PTPRC: variants seen among roughly 807,000 people sequenced by gnomAD.
PTPRC encodes the protein receptor-type tyrosine-protein phosphatase C.
A neutral mutation model predicts 155.9 loss-of-function variants in PTPRC; 44 were observed. The ratio of observed to expected loss-of-function variants is 0.28; its 90% CI spans 0.22 to 0.36. The LOEUF (loss-of-function observed/expected upper bound fraction) is 0.36, where lower values mean the gene tolerates loss of function less well. PTPRC is among the 10% of genes least tolerant of loss of function. PTPRC has a pLI of 1.00. For synonymous variants in PTPRC, 525 were observed against 533.1 expected (o/e 0.98, Z 0.21); for missense variants, 1,401 against 1,564.6 (o/e 0.90, Z 1.76).
intron 2 of PTPRC, among the ~76,000 whole-genome samples, chr1:198,659,972 C>T (rs1219858154): frequency 8.0e-6 from 1 of 124,798 alleles, no homozygotes; most frequent in Non-Finnish European, 1.7e-5. Context: ...ACATATATAT[C>T]TATATAAATA....
chr1:198,738,881 C>G (rs1459207741), intron 23 of PTPRC, among the ~76,000 whole-genome samples: 4 of 151,610 alleles, frequency 2.6e-5, no homozygotes, highest in Non-Finnish European at 5.9e-5. Flanking sequence ...AACAACTTTT[C>G]AAGACATGGA....
chr1:198,683,740 A>C (rs545778112), intron 2 of PTPRC, among the ~76,000 whole-genome samples: 1 of 152,200 alleles, frequency 6.6e-6, no homozygotes, highest in South Asian at 2.1e-4. Flanking sequence ...GGATTAATAC[A>C]AATAAAGGAT....
At chr1:198,750,718 T>C in intron 29 of PTPRC, 92 bp downstream of exon 29, 2 of 1,466,370 alleles carry the variant, frequency 1.4e-6, no homozygotes, top group Non-Finnish European at 1.9e-6. Context: ...CATACCCACG[T>C]CTTTTTTTAT....
In PTPRC at chr1:198,741,923, C is replaced by A; in HGVS notation, c.2458C>A (p.Pro820Thr). 6.2e-7 allele frequency: 1 copy of A among 1,612,050 alleles called. No individual in the cohort carries two copies. Residue 820 changes from proline to threonine, a missense_variant, in exon 24 of 33, where the codon CCA becomes ACA. Pro to Thr is a conservative substitution (Grantham distance 38, BLOSUM62 -1). Around this residue, in one of 3 missense-constraint regions of PTPRC, gnomAD observed 134 missense variants for 204.7 expected, o/e 0.65. Coordinates refer to ENST00000442510, the MANE Select transcript of PTPRC (RefSeq NM_002838.5). Reference protein sequence around the residue: ...EVTHIQFTSWPDHGVPEDPHL... With the variant: ...EVTHIQFTSWTDHGVPEDPHL... ...GACTCACATTCAGTTCACCAGCTGGCCAGACCACGGGGTGCCTGAGGATCC... is the reference window on the plus strand; with the variant it reads ...GACTCACATTCAGTTCACCAGCTGGACAGACCACGGGGTGCCTGAGGATCC...
intron 2 of PTPRC, among the ~76,000 whole-genome samples, chr1:198,671,805 C>T (rs1664663489): frequency 6.6e-6 from 1 of 152,164 alleles, no homozygotes; most frequent in Non-Finnish European, 1.5e-5. Context: ...TCTCCTTTTC[C>T]CTTAACTCAG....
intron 29 of PTPRC, 123 bp from the exon 30 acceptor site, chr1:198,752,126 C>A: frequency 8.6e-7 from 1 of 1,164,298 alleles, no homozygotes; most frequent in Non-Finnish European, 1.3e-6. Flanking sequence ...AATTTTAGAA[C>A]ACAATAATTT....
chr1:198,739,806 T>C (rs1033792528), intron 23 of PTPRC, among the ~76,000 whole-genome samples: 1 of 151,780 alleles, frequency 6.6e-6, no homozygotes, highest in Non-Finnish European at 1.5e-5. Flanking sequence ...TGGATCATTC[T>C]CAGGGACATA....
At chr1:198,753,889 A>G (rs950556474) in intron 31 of PTPRC, among the ~76,000 whole-genome samples, 1 of 152,066 alleles carries the variant, frequency 6.6e-6, no homozygotes, top group African/African-American at 2.4e-5. Flanking sequence ...ATTAGGTCTA[A>G]TATTTCTGAT....
intron 2 of PTPRC, among the ~76,000 whole-genome samples, chr1:198,691,604 A>G (rs142847060): frequency 1.1e-4 from 17 of 152,200 alleles, no homozygotes; most frequent in African/African-American, 3.4e-4. Flanking sequence ...AGGTTGATCT[A>G]AAATTCAAAT....
At position 198,749,311 on chromosome 1, in the gene PTPRC, A is replaced by G. The variant is rs1655274733; in HGVS notation, c.2939-105A>G. 1.3e-5 allele frequency: 15 copies of G among 1,166,682 alleles called. No homozygotes were observed. The Admixed American group carries it at 1.3e-4, about 10-fold the overall frequency. 72.3% of individuals were successfully genotyped at this position (1,166,682 alleles called of 1,614,324 possible). A position where few individuals can be genotyped will look rare whatever the true frequency, so the allele number is the denominator to read the frequency against. ...ATTTCATGTAGATCAGTAAGTTTTC[A>G]TAATACAATCTGTCCCTTTTTAAAT... On this transcript the variant is annotated intron_variant, in intron 27 of 32. Coordinates refer to ENST00000442510, the MANE Select transcript of PTPRC (RefSeq NM_002838.5).
intron 13 of PTPRC, 35 bp from the exon 14 acceptor site, chr1:198,718,059 A>G (rs762989509): frequency 6.6e-7 from 1 of 1,519,040 alleles, no homozygotes; most frequent in South Asian, 1.1e-5. Context: ...GCATCTATTA[A>G]ATTATTAATA....
chr1:198,702,260 A>G (rs1003825250), intron 5 of PTPRC, 127 bp from the exon 6 acceptor site: 4 of 1,194,298 alleles, frequency 3.3e-6, no homozygotes, highest in Admixed American at 3.4e-5. Flanking sequence ...GTGTCGTGGT[A>G]TAGCAGAAGT....
At chr1:198,684,737 A>C (rs1374099562) in intron 2 of PTPRC, among the ~76,000 whole-genome samples, 1 of 151,818 alleles carries the variant, frequency 6.6e-6, no homozygotes, top group Non-Finnish European at 1.5e-5. Context: ...GTTGCTTTTT[A>C]TAACCTCTTG....
intron 10 of PTPRC, 138 bp from the exon 11 acceptor site, chr1:198,709,549 T>A: frequency 3.9e-6 from 3 of 772,398 alleles, no homozygotes; most frequent in African/African-American, 1.8e-5. Flanking sequence ...TTTAGGGTTT[T>A]TTATTATTTT....
chr1:198,713,394 A>T (rs1348214179), intron 12 of PTPRC, among the ~76,000 whole-genome samples: 1 of 152,196 alleles, frequency 6.6e-6, no homozygotes, highest in Non-Finnish European at 1.5e-5. Flanking sequence ...GATTTGACTC[A>T]CTTTGAACTC....
intron 2 of PTPRC, among the ~76,000 whole-genome samples, chr1:198,650,977 G>A (rs1025089786): frequency 5.3e-5 from 8 of 151,794 alleles, no homozygotes; most frequent in African/African-American, 1.9e-4. Context: ...TTGTGAACAT[G>A]CAATTGGTAA....
At chr1:198,734,459 G>C (rs757123561) in intron 22 of PTPRC, 34 bp downstream of exon 22, 3 of 1,588,528 alleles carry the variant, frequency 1.9e-6, no homozygotes, top group South Asian at 2.2e-5. Context: ...TGTGGGTCTT[G>C]GGGTTAGGAA....
intron 4 of PTPRC, among the ~76,000 whole-genome samples, 183 bp from the exon 5 acceptor site, chr1:198,699,381 G>C (rs1666353795): frequency 6.6e-6 from 1 of 152,196 alleles, no homozygotes; most frequent in Non-Finnish European, 1.5e-5. Context: ...TGTAAATAGA[G>C]GACTCAGGTG....
intron 2 of PTPRC, among the ~76,000 whole-genome samples, chr1:198,685,378 A>G (rs1397144751): frequency 1.3e-5 from 2 of 151,900 alleles, no homozygotes; most frequent in Non-Finnish European, 1.5e-5. Context: ...TTAAAAGAAA[A>G]AAAATACATA....
Sources: allele counts gnomAD v4.1 joint callset (sites outside exome capture counted in the v4.1 genomes callset), GRCh38; gene constraint gnomAD v4.1.1; regional missense constraint gnomAD v4.1.1; transcripts MANE v1.5; gene names NCBI Gene and HGNC (gene_info 2026-07-23, HGNC 2026-07-21).